RNF216: variants seen among roughly 807,000 people sequenced by gnomAD.
The protein encoded by RNF216 is ring finger protein 216.
A neutral mutation model predicts 110.8 loss-of-function variants in RNF216; 72 were observed. That is an observed-to-expected ratio of 0.65 (90% CI 0.54 to 0.79). The LOEUF is 0.79. Among genes scored for constraint, RNF216 ranks in the 30% least tolerant of loss-of-function variants. The probability of loss-of-function intolerance (pLI) is 0.00; values close to 1 mark genes in which losing one functional copy is unlikely to be tolerated. For missense variants in RNF216, 1,342 were observed against 1,141.2 expected (o/e 1.18, Z -2.54); for synonymous variants, 495 against 407.5 (o/e 1.21, Z -2.59).
In RNF216 at chr7:5,741,152, A is replaced by T; in HGVS notation, c.865T>A (p.Ser289Thr). The change falls in exon 4 of 17, where the codon TCT (serine) becomes ACT (threonine). Residue 289 changes from serine to threonine, a missense_variant. Transcript: ENST00000389902. Reference protein sequence around the residue: ...PQQGGISGPSSPQPAHPLGEF... With the variant: ...PQQGGISGPSTPQPAHPLGEF... ...CCTAGAGGATGGGCAGGCTGAGGAG[A>T]AGAGGGGCCTGAAATCCCACCTTGC... 1 of 1,613,966 alleles carries T rather than the reference A, an allele frequency of 6.2e-7. No individual in the cohort carries two copies. The highest frequency in any genetic ancestry group is 8.5e-7 in the Non-Finnish European group (1 of 1,179,990).
chr7:5,626,436 A>T (rs1786709430), intron 15 of RNF216, among the ~76,000 whole-genome samples: 1 of 151,932 alleles, frequency 6.6e-6, no homozygotes, highest in Non-Finnish European at 1.5e-5. Context: ...AGAAAAAAAG[A>T]AATGAACCAA....
intron 1 of RNF216, among the ~76,000 whole-genome samples, chr7:5,781,279 C>G (rs1322032207): frequency 6.6e-6 from 1 of 152,118 alleles, no homozygotes; most frequent in African/African-American, 2.4e-5. Flanking sequence ...CGCGAAACTT[C>G]GCGAAGTGGC....
At chr7:5,753,715 G>C (rs1562463239) in intron 2 of RNF216, among the ~76,000 whole-genome samples, 1 of 152,192 alleles carries the variant, frequency 6.6e-6, no homozygotes, top group Non-Finnish European at 1.5e-5. Flanking sequence ...AAAAAGCATT[G>C]GCCGGGAGCA....
intron 13 of RNF216, among the ~76,000 whole-genome samples, chr7:5,710,942 G>A (rs550096113): frequency 5.3e-5 from 8 of 152,222 alleles, no homozygotes; most frequent in Admixed American, 5.2e-4. Flanking sequence ...CATATAAAAT[G>A]GCCAGAAATA....
At chr7:5,744,525 G>GA (rs1057141698) in intron 3 of RNF216, among the ~76,000 whole-genome samples, 1 of 151,978 alleles carries the variant, frequency 6.6e-6, no homozygotes. Flanking sequence ...CTAAATAAGG[G>GA]AAAAAACATA....
At chr7:5,658,349 T>C (rs569635709) in intron 13 of RNF216, among the ~76,000 whole-genome samples, 23 of 152,316 alleles carry the variant, frequency 1.5e-4, no homozygotes, top group African/African-American at 5.5e-4. Context: ...CACAAAGTTT[T>C]CATCTCATTA....
At chr7:5,759,759 G>A (rs1431319578) in intron 2 of RNF216, among the ~76,000 whole-genome samples, 2 of 151,090 alleles carry the variant, frequency 1.3e-5, no homozygotes, top group South Asian at 4.2e-4. Flanking sequence ...AGCCTCCCAA[G>A]TAGCTGGGAC....
chr7:5,639,222 T>C (rs74694240), intron 15 of RNF216, among the ~76,000 whole-genome samples: 1,696 of 152,218 alleles, frequency 0.011, 37 homozygotes, highest in African/African-American at 0.039. Context: ...CCTTTGCTGC[T>C]TGGAATGTGG....
intron 15 of RNF216, among the ~76,000 whole-genome samples, chr7:5,625,666 T>C (rs1786664076): frequency 6.6e-6 from 1 of 152,260 alleles, no homozygotes; most frequent in African/African-American, 2.4e-5. Flanking sequence ...TCACTAAACG[T>C]GCACTGCATG....
At chr7:5,771,515 G>A (rs1473201777) in intron 1 of RNF216, among the ~76,000 whole-genome samples, 5 of 152,212 alleles carry the variant, frequency 3.3e-5, no homozygotes, top group African/African-American at 7.2e-5. Context: ...AAAGAATCCC[G>A]GCGGGGTGCA....
intron 5 of RNF216, among the ~76,000 whole-genome samples, chr7:5,738,938 T>C (rs12531598): frequency 0.82 from 125,180 of 152,058 alleles, 53,346 homozygotes; most frequent in Middle Eastern, 0.92. Flanking sequence ...AACAAGGTCA[T>C]TAAAAAAGAC....
chr7:5,733,958 TA>T (rs1360804662), intron 5 of RNF216, among the ~76,000 whole-genome samples: 1 of 152,200 alleles, frequency 6.6e-6, no homozygotes, highest in Admixed American at 6.5e-5. Flanking sequence ...CCTATAAACC[TA>T]AAACTGCTCT....
At chr7:5,652,938 C>A (rs886500460) in intron 13 of RNF216, among the ~76,000 whole-genome samples, 1 of 152,118 alleles carries the variant, frequency 6.6e-6, no homozygotes, top group Non-Finnish European at 1.5e-5. Flanking sequence ...TGCTCTGGGC[C>A]ATCTGAAAAA....
At chr7:5,702,661 T>C (rs1323992021) in intron 13 of RNF216, among the ~76,000 whole-genome samples, 4 of 152,208 alleles carry the variant, frequency 2.6e-5, no homozygotes, top group Non-Finnish European at 5.9e-5. Context: ...TGTGCTTGCG[T>C]GTGTAATTAA....
intron 13 of RNF216, among the ~76,000 whole-genome samples, chr7:5,687,783 A>G (rs1791083255): frequency 6.6e-6 from 1 of 152,222 alleles, no homozygotes; most frequent in South Asian, 2.1e-4. Context: ...CAAGGACCTA[A>G]GTTTAAAGGT....
intron 9 of RNF216, among the ~76,000 whole-genome samples, chr7:5,719,382 G>T (rs1793270983): frequency 6.6e-6 from 1 of 152,090 alleles, no homozygotes; most frequent in Admixed American, 6.5e-5. Flanking sequence ...TGTCAAAAAA[G>T]AAAAGAAAAA....
rs141138684 is a variant in RNF216 at position 5,741,666 on chromosome 7, T to C, written c.351A>G (p.Pro117=). 1.2e-5 allele frequency: 20 copies of C among 1,614,026 alleles called. No homozygotes were observed. The highest frequency in any genetic ancestry group is 1.1e-4 in the East Asian group (5 of 44,886). ...KSSYFSVCNN[P]LFDSGAQDDS... ...CATCCTGTGCCCCAGAATCAAACAA[T>C]GGGTTGTTACACACTGAAAAATAGC... The change falls in exon 4 of 17, where the codon CCA becomes CCG. Residue 117 remains proline, a synonymous_variant. Transcript: ENST00000389902.
At chr7:5,643,079 A>AG (rs1047787782) in intron 14 of RNF216, among the ~76,000 whole-genome samples, 6 of 152,168 alleles carry the variant, frequency 3.9e-5, no homozygotes, top group African/African-American at 1.2e-4. Context: ...GTATGGAGGG[A>AG]GAAAAAAAGG....
At position 5,652,488 on chromosome 7, in the gene RNF216, C is replaced by T. The variant is rs1286167956; in HGVS notation, c.2084G>A (p.Gly695Glu). The T allele has an allele frequency of 6.2e-7, 1 of 1,613,702 alleles. No homozygotes were observed. The highest frequency in any genetic ancestry group is 1.1e-5 in the South Asian group (1 of 91,076). Residue 695 changes from glycine to glutamate, a missense_variant, in exon 14 of 17, where the codon GGA becomes GAA. Gly to Glu is a moderately conservative substitution (Grantham distance 98). Coordinates refer to ENST00000389902, the MANE Select transcript of RNF216 (RefSeq NM_207111.4). The stretch of plus-strand genomic sequence containing the variant: ...GAGGCCATTATGTTCTTTCCAGAGT[C>T]CCTGACACTTCCTACAGGTTTCCTG... ...CRKETCRKCQGLWKEHNGLTC... is the reference protein window; with the variant it reads ...CRKETCRKCQELWKEHNGLTC...
Sources: allele counts gnomAD v4.1 joint callset (sites outside exome capture counted in the v4.1 genomes callset), GRCh38; gene constraint gnomAD v4.1.1; transcripts MANE v1.5; gene names NCBI Gene and HGNC (gene_info 2026-07-23, HGNC 2026-07-21).